Variants in OSBPL10 observed in about 807,000 individuals in gnomAD.
OSBPL10 encodes the protein oxysterol binding protein like 10.
In OSBPL10, 49 loss-of-function variants were observed where a neutral mutation model predicts 81.7. The observed-to-expected ratio is 0.60, with a 90% CI of 0.48 to 0.76. The LOEUF (loss-of-function observed/expected upper bound fraction) is 0.76. OSBPL10 is among the 30% of genes least tolerant of loss of function. OSBPL10 has a pLI of 0.00. For missense variants in OSBPL10, 923 were observed against 987.8 expected (o/e 0.93, Z 0.88); for synonymous variants, 419 against 383.6 (o/e 1.09, Z -1.08).
At chr3:31,996,650 CT>C (rs1699092795) in intron 2 of OSBPL10, among the ~76,000 whole-genome samples, 1 of 152,156 alleles carries the variant, frequency 6.6e-6, no homozygotes, top group East Asian at 1.9e-4. Flanking sequence ...CAGAAAGAAG[CT>C]GTTGCCGGGT....
At chr3:31,815,305 A>T (rs1329101543) in intron 4 of OSBPL10, among the ~76,000 whole-genome samples, 1 of 152,212 alleles carries the variant, frequency 6.6e-6, no homozygotes, top group Non-Finnish European at 1.5e-5. Flanking sequence ...CACCCAGACC[A>T]AACTGCTGAT....
chr3:31,788,955 T>A (rs1283497845), intron 4 of OSBPL10, among the ~76,000 whole-genome samples: 1 of 151,458 alleles, frequency 6.6e-6, no homozygotes, highest in African/African-American at 2.4e-5. Flanking sequence ...TCCTGGATGT[T>A]TCTTTCTTTT....
intron 4 of OSBPL10, among the ~76,000 whole-genome samples, chr3:31,752,994 G>A (rs1053465332): frequency 6.6e-6 from 1 of 152,144 alleles, no homozygotes; most frequent in Non-Finnish European, 1.5e-5. Context: ...AATCTGTCTG[G>A]CTTGGAAGGA....
chr3:32,067,604 G>A (rs948629237), intron 1 of OSBPL10, among the ~76,000 whole-genome samples: 1 of 152,124 alleles, frequency 6.6e-6, no homozygotes, highest in East Asian at 1.9e-4. Flanking sequence ...ATTGTGATTT[G>A]TTTCTGCCCC....
At chr3:31,908,754 G>A (rs189873013) in intron 1 of OSBPL10, among the ~76,000 whole-genome samples, 43 of 152,284 alleles carry the variant, frequency 2.8e-4, no homozygotes, top group African/African-American at 1.0e-3. Context: ...CATTTCCATA[G>A]GCCAGGATAT....
intron 1 of OSBPL10, among the ~76,000 whole-genome samples, chr3:32,070,284 C>T (rs1227778231): frequency 1.3e-5 from 2 of 152,152 alleles, no homozygotes; most frequent in Non-Finnish European, 2.9e-5. Context: ...TTAAAACTAC[C>T]CCACTCTGGT....
intron 3 of OSBPL10, among the ~76,000 whole-genome samples, chr3:31,867,767 G>GAGGAAGGA (rs1559498234): frequency 1.5e-5 from 2 of 135,310 alleles, no homozygotes; most frequent in East Asian, 2.1e-4. Flanking sequence ...GGAAGGAAGG[G>GAGGAAGGA]AGGGAGGGAG....
chr3:31,704,799 G>A (rs1371430907), intron 6 of OSBPL10: 1 of 152,012 alleles, frequency 6.6e-6, no homozygotes, highest in South Asian at 2.1e-4. Context: ...AGACCTTCGG[G>A]GACCACACCT....
At chr3:31,874,974 TTAAA>T (rs1312262304) in intron 3 of OSBPL10, among the ~76,000 whole-genome samples, 19 of 150,704 alleles carry the variant, frequency 1.3e-4, no homozygotes, top group African/African-American at 4.2e-4. Flanking sequence ...AGTAGAAGAC[TTAAA>T]TAAAGCACTG....
chr3:31,875,397 A>T (rs1191100835), intron 3 of OSBPL10, among the ~76,000 whole-genome samples: 1 of 152,160 alleles, frequency 6.6e-6, no homozygotes, highest in Non-Finnish European at 1.5e-5. Flanking sequence ...AACTCCTACT[A>T]TAATTCTTGG....
At chr3:31,874,411 A>C (rs1271734587) in intron 3 of OSBPL10, among the ~76,000 whole-genome samples, 1 of 152,230 alleles carries the variant, frequency 6.6e-6, no homozygotes, top group Non-Finnish European at 1.5e-5. Context: ...CTACAAAGCA[A>C]AAATTTTATT....
chr3:31,876,903 C>CTTT lies in OSBPL10; in HGVS notation c.458-394_458-392dup, dbSNP rs35788348. Among the ~76,000 whole-genome samples the CTTT allele has an allele frequency of 6.3e-3, 827 of 131,740 alleles. 16 individuals are homozygous for CTTT. Among genetic ancestry groups the CTTT allele is most frequent in the Middle Eastern group, 0.012 (3 of 248 alleles). 86.4% of individuals were successfully genotyped at this position (131,740 alleles called of 152,430 possible). A position where few individuals can be genotyped will look rare whatever the true frequency, so the allele number is the denominator to read the frequency against. On this transcript the variant is annotated intron_variant, in intron 2 of 11. Transcript: ENST00000396556. ...TAGCTAATATGAGTATCAAATGGCA[C>CTTT]TTTTTTTTTTTTTTTTTTGAGACGG...
intron 4 of OSBPL10, among the ~76,000 whole-genome samples, chr3:31,788,716 T>C (rs1698925365): frequency 6.6e-6 from 1 of 152,112 alleles, no homozygotes; most frequent in African/African-American, 2.4e-5. Context: ...AGTTCAAGGT[T>C]GCATTGAGCT....
chr3:31,962,481 G>A (rs1173774555), intron 1 of OSBPL10, among the ~76,000 whole-genome samples: 1 of 152,098 alleles, frequency 6.6e-6, no homozygotes, highest in African/African-American at 2.4e-5. Flanking sequence ...CTTACAAATG[G>A]TTAAAATGGT....
intron 1 of OSBPL10, among the ~76,000 whole-genome samples, chr3:31,887,208 A>T (rs1695759633): frequency 6.6e-6 from 1 of 152,136 alleles, no homozygotes; most frequent in Non-Finnish European, 1.5e-5. Flanking sequence ...CAAACATCTA[A>T]AGCTTCACCA....
chr3:31,664,121 C>G lies in OSBPL10; in HGVS notation c.2208G>C (p.Glu736Asp). ...TGGGCTTCCATGGTGTGCGGAGGTTCTCGCGCTTCCGTTCCTCCACCCGTT... is the reference window on the plus strand; with the variant it reads ...TGGGCTTCCATGGTGTGCGGAGGTTGTCGCGCTTCCGTTCCTCCACCCGTT... ...EKQRVEERKR[E>D]NLRTPWKPKY... The change falls in exon 11 of 12, where the codon GAG becomes GAC. Residue 736 changes from glutamate (E) to aspartate (D), a missense_variant. Physicochemically the swap from Glu to Asp is conservative, Grantham distance 45 (BLOSUM62 2). Coordinates refer to ENST00000396556, the MANE Select transcript of OSBPL10 (RefSeq NM_017784.5). 6.2e-7 allele frequency: 1 copy of G among 1,614,044 alleles called. No individual in the cohort carries two copies. The highest frequency in any genetic ancestry group is 8.5e-7 in the Non-Finnish European group (1 of 1,180,022).
At chr3:31,893,560 C>T (rs1207621926) in intron 1 of OSBPL10, among the ~76,000 whole-genome samples, 1 of 152,136 alleles carries the variant, frequency 6.6e-6, no homozygotes, top group African/African-American at 2.4e-5. Context: ...AAACAAATGT[C>T]TACACCAAAG....
chr3:31,994,566 A>C (rs1180644101), intron 2 of OSBPL10, among the ~76,000 whole-genome samples: 2 of 152,064 alleles, frequency 1.3e-5, no homozygotes, highest in East Asian at 3.9e-4. Context: ...TGCCTGCTGA[A>C]AATTTTCAGT....
In OSBPL10 at chr3:31,683,648, G is replaced by C; in HGVS notation, c.1712C>G (p.Ser571Cys). ...SKFMGMSVGV[S>C]MIGEGVLRLL... ...ACATGGCTTACCTTCCCCTATCATAGAGACCCCCACGGACATGCCCATGAA... is the reference window on the plus strand; with the variant it reads ...ACATGGCTTACCTTCCCCTATCATACAGACCCCCACGGACATGCCCATGAA... The change falls in exon 8 of 12, where the codon TCT (serine) becomes TGT (cysteine). Residue 571 changes from serine (S) to cysteine (C), a missense_variant. Coordinates refer to ENST00000396556, the MANE Select transcript of OSBPL10 (RefSeq NM_017784.5). 6.2e-7 allele frequency: 1 copy of C among 1,611,034 alleles called. No homozygotes were observed. Among genetic ancestry groups the C allele is most frequent in the Non-Finnish European group, 8.5e-7 (1 of 1,177,576 alleles).
Sources: gnomAD v4.1 joint callset for allele counts (sites outside exome capture counted in the v4.1 genomes callset) on GRCh38, gnomAD v4.1.1 for gene constraint, MANE v1.5 for transcripts, NCBI Gene and HGNC (gene_info 2026-07-23, HGNC 2026-07-21) for gene names.